PAFAH1B1: variants seen among roughly 807,000 people sequenced by gnomAD.
The protein encoded by PAFAH1B1 is platelet activating factor acetylhydrolase 1b regulatory subunit 1.
In PAFAH1B1, 2 loss-of-function variants were observed where a neutral mutation model predicts 57.5. The observed-to-expected ratio is 0.03, with a 90% CI of 0.01 to 0.11. The LOEUF is 0.11. PAFAH1B1 is among the 10% of genes least tolerant of loss of function. PAFAH1B1 has a pLI of 1.00. For missense variants in PAFAH1B1, 257 were observed against 512.0 expected (o/e 0.50, Z 4.81); for synonymous variants, 152 against 169.6 (o/e 0.90, Z 0.81).
chr17:2,601,469 C>G (rs1368999197), intron 1 of PAFAH1B1, among the ~76,000 whole-genome samples: 1 of 151,768 alleles, frequency 6.6e-6, no homozygotes, highest in African/African-American at 2.4e-5. Flanking sequence ...GATGGAGTCT[C>G]CCAATCTTGT....
At chr17:2,628,578 G>T (rs540010595) in intron 1 of PAFAH1B1, among the ~76,000 whole-genome samples, 2 of 152,116 alleles carry the variant, frequency 1.3e-5, no homozygotes, top group East Asian at 3.9e-4. Flanking sequence ...TCCTGGTTTT[G>T]GTATTAGGGT....
intron 3 of PAFAH1B1, among the ~76,000 whole-genome samples, chr17:2,665,802 A>G (rs992562957): frequency 6.6e-6 from 1 of 152,020 alleles, no homozygotes; most frequent in Non-Finnish European, 1.5e-5. Flanking sequence ...GGGTCTCGCC[A>G]TGTTGGCCAG....
At chr17:2,678,759 C>T (rs2069315830) in intron 9 of PAFAH1B1, among the ~76,000 whole-genome samples, 1 of 152,128 alleles carries the variant, frequency 6.6e-6, no homozygotes, top group Non-Finnish European at 1.5e-5. Flanking sequence ...ATGATGCATG[C>T]CTATAGTCCT....
chr17:2,658,574 C>T (rs12450337), intron 2 of PAFAH1B1, among the ~76,000 whole-genome samples: 9,839 of 152,032 alleles, frequency 0.065, 330 homozygotes, highest in South Asian at 0.083. Flanking sequence ...GAGACCCAGC[C>T]GTCTGATGAA....
intron 6 of PAFAH1B1, among the ~76,000 whole-genome samples, chr17:2,671,333 T>C (rs774826305): frequency 2.0e-5 from 3 of 150,528 alleles, no homozygotes; most frequent in Non-Finnish European, 3.0e-5. Context: ...CTCAGCCTCC[T>C]GAGTATCTAG....
intron 1 of PAFAH1B1, among the ~76,000 whole-genome samples, chr17:2,627,251 C>A (rs1009090429): frequency 6.6e-6 from 1 of 152,080 alleles, no homozygotes; most frequent in African/African-American, 2.4e-5. Flanking sequence ...TTAATTCATC[C>A]TGAGTTGATT....
chr17:2,635,153 C>CT (rs2068605908), intron 1 of PAFAH1B1, among the ~76,000 whole-genome samples: 1 of 146,108 alleles, frequency 6.8e-6, no homozygotes. Flanking sequence ...GAGTGAAACT[C>CT]TGTCTCAAAA....
chr17:2,610,530 C>G (rs1400951613), intron 1 of PAFAH1B1, among the ~76,000 whole-genome samples: 1 of 152,068 alleles, frequency 6.6e-6, no homozygotes, highest in African/African-American at 2.4e-5. Context: ...CAGGCTAGAG[C>G]AGAAGTGTCC....
chr17:2,658,331 AC>A (rs2068965655), intron 2 of PAFAH1B1, among the ~76,000 whole-genome samples: 1 of 152,232 alleles, frequency 6.6e-6, no homozygotes, highest in African/African-American at 2.4e-5. Flanking sequence ...AAAGAGGGAA[AC>A]ACAGATAAAT....
intron 1 of PAFAH1B1, among the ~76,000 whole-genome samples, chr17:2,599,462 G>C (rs1336255951): frequency 6.6e-6 from 1 of 152,108 alleles, no homozygotes; most frequent in South Asian, 2.1e-4. Flanking sequence ...TGACTGCTTT[G>C]CATGCATAAG....
intron 10 of PAFAH1B1, among the ~76,000 whole-genome samples, chr17:2,680,612 TC>T (rs1335341658): frequency 6.6e-6 from 1 of 152,220 alleles, no homozygotes. Flanking sequence ...GGGTAATTTT[TC>T]TCCCCTATTA....
In PAFAH1B1 at chr17:2,598,236, C is replaced by T. The variant is rs368108726; in HGVS notation, c.-191+4230C>T. Among the ~76,000 whole-genome samples, 8 of 151,674 alleles carry T rather than the reference C, an allele frequency of 5.3e-5. No homozygotes were observed. The South Asian group carries it at 1.0e-3, about 20-fold the overall frequency. ...TACGCTCCAGCCTGGGCAACAAGAG[C>T]GAAACTCCATCTCAAAAAATAAATA... On this transcript the variant is annotated intron_variant, in intron 1 of 10. Coordinates refer to ENST00000397195, the MANE Select transcript of PAFAH1B1 (RefSeq NM_000430.4).
At chr17:2,594,370 T>C (rs1032479026) in intron 1 of PAFAH1B1, among the ~76,000 whole-genome samples, 3 of 152,162 alleles carry the variant, frequency 2.0e-5, no homozygotes, top group African/African-American at 7.2e-5. Flanking sequence ...AAAGTATTCT[T>C]GGGTTGGAAG....
Position 2,643,039 on chromosome 17 carries a change from A to G in PAFAH1B1, c.32+4719A>G, listed in dbSNP as rs77129550. 5.2e-3 allele frequency among the ~76,000 whole-genome samples: 792 copies of G among 151,880 alleles called. 5 individuals carry two copies. Among genetic ancestry groups the G allele is most frequent in the African/African-American group, 0.018 (747 of 41,468 alleles). On this transcript the variant is annotated intron_variant, in intron 2 of 10. Transcript: ENST00000397195. ...ATATGAGATAGATATATATCTTCTTATTTCTCCCTCTTTCTTAAATAAAAG... is the reference window on the plus strand; with the variant it reads ...ATATGAGATAGATATATATCTTCTTGTTTCTCCCTCTTTCTTAAATAAAAG...
intron 1 of PAFAH1B1, among the ~76,000 whole-genome samples, chr17:2,616,387 C>T (rs957194370): frequency 4.6e-5 from 7 of 152,138 alleles, no homozygotes; most frequent in African/African-American, 1.4e-4. Context: ...GGAATTGGCT[C>T]ATGCTATTGT....
At chr17:2,675,874 AAAAT>A (rs962395264) in intron 8 of PAFAH1B1, among the ~76,000 whole-genome samples, 1 of 152,150 alleles carries the variant, frequency 6.6e-6, no homozygotes, top group African/African-American at 2.4e-5. Context: ...CCAGATCAAA[AAAAT>A]AAATAAGTAA....
At chr17:2,670,863 C>T (rs1193468498) in intron 6 of PAFAH1B1, among the ~76,000 whole-genome samples, 1 of 152,098 alleles carries the variant, frequency 6.6e-6, no homozygotes, top group Non-Finnish European at 1.5e-5. Flanking sequence ...TGTCTACTTA[C>T]GGTATTAGAA....
chr17:2,625,082 A>G (rs772022342), intron 1 of PAFAH1B1, among the ~76,000 whole-genome samples: 29 of 151,770 alleles, frequency 1.9e-4, no homozygotes, highest in Non-Finnish European at 3.7e-4. Context: ...TACCCTAGCA[A>G]TAAACACATT....
chr17:2,649,214 CAA>C (rs566280217), intron 2 of PAFAH1B1, among the ~76,000 whole-genome samples: 133 of 65,712 alleles, frequency 2.0e-3, no homozygotes, highest in African/African-American at 6.0e-3. Flanking sequence ...AAGACTGTCT[CAA>C]AAAAAAAAAA....
Sources: allele counts gnomAD v4.1 joint callset (sites outside exome capture counted in the v4.1 genomes callset), GRCh38; gene constraint gnomAD v4.1.1; transcripts MANE v1.5; gene names NCBI Gene and HGNC (gene_info 2026-07-23, HGNC 2026-07-21).